FYN: variants seen among roughly 807,000 people sequenced by gnomAD.
FYN encodes the protein FYN proto-oncogene, Src family tyrosine kinase.
FYN carries 10 observed loss-of-function variants against 70.2 expected under a neutral mutation model. The ratio of observed to expected loss-of-function variants is 0.14; its 90% CI spans 0.09 to 0.24. The LOEUF (loss-of-function observed/expected upper bound fraction) is 0.24, where lower values mean the gene tolerates loss of function less well. Among genes scored for constraint, FYN ranks in the 10% least tolerant of loss-of-function variants. The pLI, the probability that FYN is intolerant of heterozygous loss-of-function variation, is 1.00. For synonymous variants in FYN, 236 were observed against 248.6 expected, an observed-to-expected ratio of 0.95 and a Z score of 0.48; for missense variants, 319 against 673.1, an observed-to-expected ratio of 0.47 and a Z score of 5.82.
chr6:111,821,367 A>G (rs1772656366), intron 2 of FYN, among the ~76,000 whole-genome samples: 2 of 152,220 alleles, frequency 1.3e-5, no homozygotes, highest in Admixed American at 6.5e-5. Context: ...AAACCTGACA[A>G]AAACAAGAAA....
At chr6:111,673,622 GTTTTT>G (rs71021858) in intron 13 of FYN, among the ~76,000 whole-genome samples, 5 of 116,588 alleles carry the variant, frequency 4.3e-5, no homozygotes, top group African/African-American at 6.3e-5. Context: ...TTCTATCATT[GTTTTT>G]TTTTTTTTTT....
intron 2 of FYN, among the ~76,000 whole-genome samples, chr6:111,832,176 T>A (rs1773036631): frequency 6.6e-6 from 1 of 152,178 alleles, no homozygotes; most frequent in African/African-American, 2.4e-5. Context: ...AAAACCAAAG[T>A]ATAGTCCCTG....
chr6:111,807,554 C>T (rs1293265356), intron 2 of FYN, among the ~76,000 whole-genome samples: 2 of 152,152 alleles, frequency 1.3e-5, no homozygotes, highest in East Asian at 1.9e-4. Flanking sequence ...TAACACATGG[C>T]ACAAAAAGCA....
rs754983532 is a variant in FYN, at chr6:111,700,149, AC to A, written c.816del (p.Gln272HisfsTer2). On this transcript the variant is annotated frameshift_variant, in exon 9 of 14. Coordinates refer to ENST00000354650, the MANE Select transcript of FYN (RefSeq NM_002037.5). LOFTEE classifies it high-confidence loss of function. Reference protein sequence around the residue: ...DVWEIPRESLQLIKRLGNGQF... With the variant: ...DVWEIPRESLXLIKRLGNGQF... ...TGCCCATTTCCCAGTCTCTTGATCA[AC>A]TGCAGGGATTCTCGAGGGATTTCCC... is the stretch of plus-strand genomic sequence containing the variant. The A allele has an allele frequency of 6.2e-7, 1 of 1,613,976 alleles. No homozygotes were observed. Among genetic ancestry groups the A allele is most frequent in the Non-Finnish European group, 8.5e-7 (1 of 1,179,982 alleles).
intron 3 of FYN, among the ~76,000 whole-genome samples, chr6:111,739,830 G>A (rs1314304869): frequency 6.6e-6 from 1 of 152,188 alleles, no homozygotes; most frequent in Non-Finnish European, 1.5e-5. Flanking sequence ...ATCTTTTGTT[G>A]TTGTTGTTGT....
At chr6:111,825,433 C>T (rs1383107533) in intron 2 of FYN, among the ~76,000 whole-genome samples, 1 of 152,196 alleles carries the variant, frequency 6.6e-6, no homozygotes, top group Non-Finnish European at 1.5e-5. Flanking sequence ...TTTTCTCTAT[C>T]ACAGGATACC....
intron 3 of FYN, among the ~76,000 whole-genome samples, chr6:111,738,507 G>A (rs969402992): frequency 6.6e-6 from 1 of 152,214 alleles, no homozygotes; most frequent in East Asian, 1.9e-4. Context: ...CATCGGAGAT[G>A]CTCCTCCCTG....
At chr6:111,762,328 A>G (rs1803040123) in intron 3 of FYN, among the ~76,000 whole-genome samples, 1 of 152,152 alleles carries the variant, frequency 6.6e-6, no homozygotes, top group African/African-American at 2.4e-5. Context: ...ATTTTATTGT[A>G]AACGATAATA....
At chr6:111,665,820 A>G (rs1199957629) in intron 13 of FYN, among the ~76,000 whole-genome samples, 1 of 151,328 alleles carries the variant, frequency 6.6e-6, no homozygotes, top group Non-Finnish European at 1.5e-5. Context: ...ACAGGGTTTC[A>G]CTATGTTGGC....
intron 2 of FYN, among the ~76,000 whole-genome samples, chr6:111,813,380 T>C (rs1772386809): frequency 6.6e-6 from 1 of 152,194 alleles, no homozygotes; most frequent in Non-Finnish European, 1.5e-5. Flanking sequence ...AAATGACTCA[T>C]GAAATGCAAA....
At chr6:111,696,135 G>A (rs1562476309) in intron 10 of FYN, 142 bp downstream of exon 10, 4 of 641,982 alleles carry the variant, frequency 6.2e-6, no homozygotes, top group Non-Finnish European at 7.3e-6. Flanking sequence ...TTTCATTAAC[G>A]AGCACATAAC....
intron 2 of FYN, chr6:111,844,630 T>C (rs1478630112): frequency 6.6e-6 from 1 of 152,360 alleles, no homozygotes; most frequent in Non-Finnish European, 1.5e-5. Flanking sequence ...ACTCACTCCA[T>C]CCAAGCAGCA....
intron 1 of FYN, among the ~76,000 whole-genome samples, chr6:111,847,205 C>T (rs1298784268): frequency 6.6e-6 from 1 of 152,216 alleles, no homozygotes; most frequent in Non-Finnish European, 1.5e-5. Context: ...ATCATCTTGT[C>T]CATGGAACTC....
intron 3 of FYN, among the ~76,000 whole-genome samples, chr6:111,727,503 G>A (rs1436104215): frequency 6.6e-6 from 1 of 152,186 alleles, no homozygotes; most frequent in Non-Finnish European, 1.5e-5. Context: ...GCCTGTGAGG[G>A]AGAGCCCCTC....
intron 13 of FYN, among the ~76,000 whole-genome samples, chr6:111,673,417 C>T (rs1182429324): frequency 6.6e-6 from 1 of 152,128 alleles, no homozygotes; most frequent in Non-Finnish European, 1.5e-5. Context: ...AGTCTCAAGG[C>T]TACACCAACC....
chr6:111,663,681 T>C (rs1797870937), intron 13 of FYN, among the ~76,000 whole-genome samples: 1 of 152,190 alleles, frequency 6.6e-6, no homozygotes. Context: ...CGACCCCTTA[T>C]TTTAGGGAGA....
chr6:111,734,376 G>C (rs535377524), intron 3 of FYN, among the ~76,000 whole-genome samples: 1 of 152,334 alleles, frequency 6.6e-6, no homozygotes, highest in Admixed American at 6.5e-5. Flanking sequence ...TTAATGATGT[G>C]AGAAGAGCTA....
intron 3 of FYN, among the ~76,000 whole-genome samples, chr6:111,722,638 A>G (rs1447216915): frequency 6.6e-6 from 1 of 152,152 alleles, no homozygotes; most frequent in African/African-American, 2.4e-5. Flanking sequence ...AGCTGGGGGT[A>G]ACTTTACCAC....
At position 111,661,961 on chromosome 6, in the gene FYN, C is replaced by T. The variant is rs776369115; in HGVS notation, c.1406-14G>A. 8.8e-6 allele frequency: 14 copies of T among 1,590,722 alleles called. No individual in the cohort carries two copies. The East Asian group carries it at 1.3e-4, about 15-fold the overall frequency. ...GGTTGTTCATGCCTGCAAAGACAAG[C>T]GCAGTGAGAGTGGGCACCCCGGGGA... On this transcript the variant is annotated splice_polypyrimidine_tract_variant and intron_variant, in intron 13 of 13. Transcript: ENST00000354650. This position sits in a 1 kb window ranked among gnomAD's most constrained non-coding sequence, Gnocchi z 4.0.
Sources: gnomAD v4.1 joint callset for allele counts (sites outside exome capture counted in the v4.1 genomes callset) on GRCh38, gnomAD v4.1.1 for gene constraint, Gnocchi (gnomAD v3.1) non-coding constraint, MANE v1.5 for transcripts, NCBI Gene and HGNC (gene_info 2026-07-23, HGNC 2026-07-21) for gene names.